DNAH11: variants seen among roughly 807,000 people sequenced by gnomAD.
DNAH11 encodes axonemal beta dynein heavy chain 11.
In DNAH11, 442 loss-of-function variants were observed where a neutral mutation model predicts 526.0. The ratio of observed to expected loss-of-function variants is 0.84; its 90% confidence interval spans 0.78 to 0.91. The LOEUF is 0.91. Among genes scored for constraint, DNAH11 ranks in the 40% least tolerant of loss-of-function variants. The probability of loss-of-function intolerance (pLI) is 0.00; values close to 1 mark genes in which losing one functional copy is unlikely to be tolerated. For missense variants in DNAH11, 6,989 were observed against 5,448.7 expected (o/e 1.28, Z -8.90); for synonymous variants, 2,461 against 1,935.9 (o/e 1.27, Z -7.12).
At chr7:21,775,401 G>C (rs1482042256) in intron 56 of DNAH11, among the ~76,000 whole-genome samples, 1 of 152,098 alleles carries the variant, frequency 6.6e-6, no homozygotes, top group Non-Finnish European at 1.5e-5. Context: ...AGGATTGCTT[G>C]AGTCCAGGAG....
chr7:21,740,025 G>A (rs959895920), intron 48 of DNAH11, among the ~76,000 whole-genome samples: 1 of 151,900 alleles, frequency 6.6e-6, no homozygotes, highest in African/African-American at 2.4e-5. Context: ...GTTTACATCG[G>A]GATTCCTTCT....
chr7:21,840,231 A>G (rs1782152718), intron 65 of DNAH11, among the ~76,000 whole-genome samples: 2 of 152,360 alleles, frequency 1.3e-5, no homozygotes, highest in East Asian at 3.9e-4. Context: ...TGAATGCGAT[A>G]GAACATCTTT....
chr7:21,841,606 G>T (rs1782205856), intron 65 of DNAH11, among the ~76,000 whole-genome samples: 2 of 152,176 alleles, frequency 1.3e-5, no homozygotes, highest in Middle Eastern at 3.4e-3. Context: ...GTGAGTGAGT[G>T]TGGGGGTGTG....
rs189078375 is a variant in DNAH11 at position 21,889,179 on chromosome 7, C to T, written c.12508-3246C>T. ...TCATACAATATGTAGCCTTCTTTCA[C>T]TTGGCATAATGTTTTCAAGCTTCAG... On this transcript the variant is annotated intron_variant, in intron 76 of 81. Transcript: ENST00000409508. 1.5e-3 allele frequency among the ~76,000 whole-genome samples: 230 copies of T among 152,322 alleles called. 1 individual carries two copies. The highest frequency in any genetic ancestry group is 2.7e-3 in the Non-Finnish European group (182 of 68,036).
chr7:21,705,575 G>T, intron 39 of DNAH11, 38 bp downstream of exon 39: 2 of 1,595,340 alleles, frequency 1.3e-6, no homozygotes, highest in East Asian at 2.2e-5. Context: ...GCTATGGAAA[G>T]AACATTTGTT....
chr7:21,549,158 C>A (rs1196521173), intron 2 of DNAH11, among the ~76,000 whole-genome samples: 4 of 152,194 alleles, frequency 2.6e-5, no homozygotes, highest in Non-Finnish European at 5.9e-5. Context: ...GGAATACAGG[C>A]ATGAGCCACC....
intron 62 of DNAH11, among the ~76,000 whole-genome samples, chr7:21,802,113 C>T (rs1045336912): frequency 7.0e-4 from 107 of 152,158 alleles, no homozygotes; most frequent in African/African-American, 2.4e-3. Context: ...ACATAATGTA[C>T]GTTCAAGTAT....
At chr7:21,868,355 T>C (rs141605575) in intron 72 of DNAH11, among the ~76,000 whole-genome samples, 360 of 152,306 alleles carry the variant, frequency 2.4e-3, no homozygotes, top group African/African-American at 8.0e-3. Context: ...CGCAAGGCAC[T>C]GTCGCCTTTG....
chr7:21,635,217 C>T (rs987477087), intron 25 of DNAH11, among the ~76,000 whole-genome samples: 5 of 152,078 alleles, frequency 3.3e-5, no homozygotes, highest in Non-Finnish European at 5.9e-5. Context: ...AGTGCAGTGG[C>T]GTGATCTCAG....
chr7:21,805,985 A>T (rs1034945451), intron 62 of DNAH11, among the ~76,000 whole-genome samples: 5 of 152,064 alleles, frequency 3.3e-5, no homozygotes, highest in African/African-American at 1.2e-4. Context: ...TCATTAACTA[A>T]CTCCTGAGCT....
chr7:21,702,195 C>A (rs418392), intron 36 of DNAH11, among the ~76,000 whole-genome samples: 130,046 of 152,102 alleles, frequency 0.85, 56,020 homozygotes, highest in African/African-American at 0.97. Flanking sequence ...GTCTCAAAAA[C>A]AGATAATTGA....
chr7:21,901,034 C>G lies in DNAH11; in HGVS notation c.13331C>G (p.Thr4444Ser), dbSNP rs370940025. 1.2e-4 allele frequency: 186 copies of G among 1,610,510 alleles called. No individual in the cohort carries two copies. Among genetic ancestry groups the G allele is most frequent in the Non-Finnish European group, 1.5e-4 (174 of 1,178,218 alleles). The part of the protein sequence containing the change: ...EGARWDTQAG[T>S]IVEARLKELA... ...GCCCGCTGGGACACCCAAGCAGGAA[C>G]CATTGTTGAAGCCCGTCTCAAGGAG... Residue 4444 changes from threonine (T) to serine (S), a missense_variant, in exon 82 of 82, where the codon ACC becomes AGC. By Grantham distance (58) the Thr-to-Ser change is moderately conservative (BLOSUM62 1). Transcript: ENST00000409508.
chr7:21,822,920 C>G (rs1790114152), intron 65 of DNAH11, among the ~76,000 whole-genome samples: 1 of 140,630 alleles, frequency 7.1e-6, no homozygotes, highest in African/African-American at 2.6e-5. Flanking sequence ...GAAAGATCTA[C>G]TCAGGTATTT....
Position 21,735,783 on chromosome 7 carries a change from T to C in DNAH11, c.7584T>C (p.Ser2528=). ...TAGGTGACACATTGGCAAGTCTCTC[T>C]GAGGATTACATAGTATCCCGTGTGC... ...VFVGDTLASL[S]EDYIVSRVPF... Residue 2528 remains serine, a synonymous_variant, in exon 46 of 82, where the codon TCT becomes TCC. Coordinates refer to ENST00000409508, the MANE Select transcript of DNAH11 (RefSeq NM_001277115.2). The C allele has an allele frequency of 6.2e-7, 1 of 1,614,000 alleles. No individual in the cohort carries two copies. Among genetic ancestry groups the C allele is most frequent in the Non-Finnish European group, 8.5e-7 (1 of 1,179,884 alleles).
At chr7:21,771,457 A>C (rs1042738784) in intron 55 of DNAH11, among the ~76,000 whole-genome samples, 2 of 152,196 alleles carry the variant, frequency 1.3e-5, no homozygotes, top group African/African-American at 4.8e-5. Context: ...TGTCACACCA[A>C]ATAGCAGAGA....
chr7:21,679,581 A>G (rs1017247212), intron 30 of DNAH11, among the ~76,000 whole-genome samples: 4 of 152,208 alleles, frequency 2.6e-5, no homozygotes, highest in African/African-American at 9.7e-5. Flanking sequence ...GCTGTCGTGT[A>G]TCCTGAATAT....
intron 25 of DNAH11, among the ~76,000 whole-genome samples, chr7:21,622,850 A>G (rs961134902): frequency 5.6e-4 from 86 of 152,332 alleles, no homozygotes; most frequent in African/African-American, 1.9e-3. Flanking sequence ...CGTTAGATCT[A>G]AAACCATAAA....
At chr7:21,597,592 A>G (rs1296850535) in intron 14 of DNAH11, among the ~76,000 whole-genome samples, 1 of 152,106 alleles carries the variant, frequency 6.6e-6, no homozygotes, top group Non-Finnish European at 1.5e-5. Context: ...AGCAAAGGGG[A>G]AGAAACACAC....
At chr7:21,782,343 C>G (rs963749801) in intron 57 of DNAH11, among the ~76,000 whole-genome samples, 1 of 152,180 alleles carries the variant, frequency 6.6e-6, no homozygotes, top group Admixed American at 6.5e-5. Flanking sequence ...CCTTGCTGAC[C>G]ACTGCCTAGG....
Sources: allele counts gnomAD v4.1 joint callset (sites outside exome capture counted in the v4.1 genomes callset), GRCh38; gene constraint gnomAD v4.1.1; transcripts MANE v1.5; gene names NCBI Gene and HGNC (gene_info 2026-07-23, HGNC 2026-07-21).